Variants in IGSF9B observed in about 807,000 individuals in gnomAD.
The protein encoded by IGSF9B is immunoglobulin superfamily member 9B, also known as protein turtle homolog B.
In IGSF9B, 48 loss-of-function variants were observed where a neutral mutation model predicts 143.7. The ratio of observed to expected loss-of-function variants is 0.33; its 90% CI spans 0.26 to 0.42. The LOEUF (loss-of-function observed/expected upper bound fraction) is 0.42, where lower values mean the gene tolerates loss of function less well. IGSF9B is among the 20% of genes least tolerant of loss of function. IGSF9B has a pLI of 1.00. For missense variants in IGSF9B, 1,706 were observed against 1,980.0 expected, an observed-to-expected ratio of 0.86 and a Z score of 2.63; for synonymous variants, 903 against 833.1, an observed-to-expected ratio of 1.08 and a Z score of -1.44.
chr11:133,952,394 G>A (rs1940176868), intron 1 of IGSF9B, among the ~76,000 whole-genome samples: 1 of 152,186 alleles, frequency 6.6e-6, no homozygotes, highest in African/African-American at 2.4e-5. Context: ...AGCACCAAGG[G>A]CACCGTGGCA....
rs1277689504 is a variant in IGSF9B, at chr11:133,920,239, G to T, written c.3486C>A (p.Ser1162Arg). The T allele has an allele frequency of 2.0e-6, 3 of 1,517,014 alleles. No homozygotes were observed. The highest frequency in any genetic ancestry group is 2.8e-5 in the African/African-American group (2 of 71,670). 94.0% of individuals were successfully genotyped at this position (1,517,014 alleles called of 1,614,324 possible). ...PAEPGAHGGP[S>R]TFGLDTRWYE... ...ACCACCGGGTGTCCAGGCCAAATGT[G>T]CTGGGGCCGCCGTGCGCCCCCGGCT... is the stretch of plus-strand genomic sequence containing the variant. The change falls in exon 18 of 20, where the codon AGC (serine) becomes AGA (arginine). Residue 1162 changes from serine to arginine, a missense_variant. Physicochemically the swap from Ser to Arg is moderately radical, Grantham distance 110. Around this residue, in one of 7 missense-constraint regions of IGSF9B, gnomAD observed 880 missense variants for 762.9 expected, o/e 1.15. Coordinates refer to ENST00000533871, the MANE Select transcript of IGSF9B (RefSeq NM_001277285.4).
chr11:133,927,476 G>A (rs1369080287), intron 12 of IGSF9B, among the ~76,000 whole-genome samples: 1 of 152,228 alleles, frequency 6.6e-6, no homozygotes, highest in Non-Finnish European at 1.5e-5. Context: ...ACAGTGGCAG[G>A]ATGAGGGAAG....
rs1171743779 is a variant in IGSF9B, at chr11:133,909,824, G to A, written c.4106-547C>T. Among the ~76,000 whole-genome samples the A allele has an allele frequency of 6.6e-6, 1 of 152,186 alleles. No homozygotes were observed. The highest frequency in any genetic ancestry group is 2.4e-5 in the African/African-American group (1 of 41,430). On this transcript the variant is annotated intron_variant, in intron 19 of 19. Transcript: ENST00000533871. This position sits in a 1 kb window ranked among gnomAD's most constrained non-coding sequence, Gnocchi z 4.2. ...CTATGCATCCATGTGAGGGTGCAGA[G>A]GAAGAGACAAACTGTCAAGACTTTA...
intron 19 of IGSF9B, among the ~76,000 whole-genome samples, chr11:133,910,449 A>G (rs894520437): frequency 4.6e-5 from 7 of 152,218 alleles, no homozygotes; most frequent in East Asian, 3.8e-4. Context: ...CTGAGCTAAC[A>G]GGCATTACCT....
At chr11:133,938,062 G>T in intron 3 of IGSF9B, 101 bp from the exon 4 acceptor site, 3 of 1,290,670 alleles carry the variant, frequency 2.3e-6, no homozygotes, top group East Asian at 2.5e-5. Flanking sequence ...GCGGCTCTGC[G>T]GAATGCAAGG....
rs112059045 is a variant in IGSF9B at position 133,902,508 on chromosome 11, C to T, written c.*6561G>A. 3.3e-4 allele frequency among the ~76,000 whole-genome samples: 43 copies of T among 131,952 alleles called. No individual in the cohort carries two copies. Among genetic ancestry groups the T allele is most frequent in the Non-Finnish European group, 4.1e-4 (24 of 59,220 alleles). The allele number at this position is 131,952 out of a possible 152,430, so 86.6% of individuals were successfully genotyped here. Reference sequence around the variant, plus strand: ...CACACACACACACCAGACATGCACACCACACACAGACATGCACACCACACA... The same window carrying T: ...CACACACACACACCAGACATGCACATCACACACAGACATGCACACCACACA... On this transcript the variant is annotated 3_prime_UTR_variant, in exon 20 of 20. Transcript: ENST00000533871.
chr11:133,933,761 G>A (rs1029032120), intron 7 of IGSF9B, among the ~76,000 whole-genome samples: 3 of 152,008 alleles, frequency 2.0e-5, no homozygotes, highest in Non-Finnish European at 2.9e-5. Context: ...GAGGAGCAAC[G>A]AGAACCCCAC....
chr11:133,924,205 A>C (rs1303802814), intron 15 of IGSF9B, among the ~76,000 whole-genome samples: 1 of 152,128 alleles, frequency 6.6e-6, no homozygotes, highest in Admixed American at 6.5e-5. Context: ...TTCCCATACC[A>C]AGGACACCCC....
intron 1 of IGSF9B, among the ~76,000 whole-genome samples, chr11:133,955,240 C>T (rs1282016901): frequency 6.6e-6 from 1 of 152,196 alleles, no homozygotes; most frequent in African/African-American, 2.4e-5. Flanking sequence ...ACATCCACCC[C>T]CCGTTCCGTA....
In IGSF9B at chr11:133,928,156, C is replaced by T. The variant is rs1939662740; in HGVS notation, c.1632-1065G>A. On this transcript the variant is annotated intron_variant, in intron 12 of 19. Coordinates refer to ENST00000533871, the MANE Select transcript of IGSF9B (RefSeq NM_001277285.4). The surrounding 1 kb of genome is among the most constrained non-coding windows in gnomAD (Gnocchi z 4.7). ...CCCAATCTACACCTGAGCCCCCCAT[C>T]GTATGCCCAGACCTCCCACCCAGGC... 6.6e-6 allele frequency among the ~76,000 whole-genome samples: 1 copy of T among 152,120 alleles called. No individual in the cohort carries two copies. Among genetic ancestry groups the T allele is most frequent in the Admixed American group, 6.5e-5 (1 of 15,282 alleles).
chr11:133,931,303 T>G lies in IGSF9B; in HGVS notation c.1368+150A>C, dbSNP rs1939724024. On this transcript the variant is annotated intron_variant, in intron 10 of 19. Coordinates refer to ENST00000533871, the MANE Select transcript of IGSF9B (RefSeq NM_001277285.4). This position sits in a 1 kb window ranked among gnomAD's most constrained non-coding sequence, Gnocchi z 7.7. ...GCTCACTGCTCGGCATCTAGCCTGG[T>G]CAGGGCAGGTCCAGAATAGAACTGC... is the stretch of plus-strand genomic sequence containing the variant. 1 of 850,368 alleles carries G rather than the reference T, an allele frequency of 1.2e-6. No individual in the cohort carries two copies. The highest frequency in any genetic ancestry group is 1.8e-6 in the Non-Finnish European group (1 of 541,776). The allele number at this position is 850,368 out of a possible 1,614,324, so 52.7% of individuals were successfully genotyped here.
intron 18 of IGSF9B, among the ~76,000 whole-genome samples, chr11:133,914,956 G>A (rs1009930644): frequency 6.6e-6 from 1 of 152,144 alleles, no homozygotes; most frequent in African/African-American, 2.4e-5. Flanking sequence ...TGTCTCAGGT[G>A]GGAAGCTTCA....
At chr11:133,922,453 C>A in intron 16 of IGSF9B, 116 bp downstream of exon 16, 1 of 1,119,012 alleles carries the variant, frequency 8.9e-7, no homozygotes, top group South Asian at 1.5e-5. Flanking sequence ...GCTCTACCCA[C>A]AAGATCTCAA....
intron 6 of IGSF9B, 92 bp from the exon 7 acceptor site, chr11:133,935,854 G>A: frequency 1.3e-6 from 2 of 1,510,266 alleles, no homozygotes; most frequent in Admixed American, 1.9e-5. Context: ...GATGTGGCAT[G>A]GAGAGCCCAT....
intron 11 of IGSF9B, among the ~76,000 whole-genome samples, chr11:133,930,142 C>G (rs1327066182): frequency 6.6e-6 from 1 of 152,158 alleles, no homozygotes; most frequent in Non-Finnish European, 1.5e-5. Flanking sequence ...AGCCACAGAG[C>G]CCCTCCCGTA....
At chr11:133,938,632 C>T (rs562188817) in intron 3 of IGSF9B, among the ~76,000 whole-genome samples, 1 of 152,302 alleles carries the variant, frequency 6.6e-6, no homozygotes, top group African/African-American at 2.4e-5. Context: ...TCCCATTTGC[C>T]TGAGCTGCTT....
rs1361824107 is a variant in IGSF9B, at chr11:133,897,983, C to T, written c.*11086G>A. On this transcript the variant is annotated 3_prime_UTR_variant, in exon 20 of 20. Coordinates refer to ENST00000533871, the MANE Select transcript of IGSF9B (RefSeq NM_001277285.4). Reference sequence around the variant, plus strand: ...CCGCCCCTAAGTCACCCACCCCAAACCCCTAGGGAAAAATCAGAAAGAAGA... The same window carrying T: ...CCGCCCCTAAGTCACCCACCCCAAATCCCTAGGGAAAAATCAGAAAGAAGA... 2 of 152,150 alleles carry T rather than the reference C, an allele frequency of 1.3e-5. No homozygotes were observed. Among genetic ancestry groups the T allele is most frequent in the Admixed American group, 1.3e-4 (2 of 15,274 alleles). 9.4% of individuals were successfully genotyped at this position (152,150 alleles called of 1,614,324 possible).
At chr11:133,930,473 C>T (rs1359270998) in intron 11 of IGSF9B, among the ~76,000 whole-genome samples, 1 of 152,190 alleles carries the variant, frequency 6.6e-6, no homozygotes, top group Non-Finnish European at 1.5e-5. Context: ...GAAGGACAGG[C>T]TGAGAGGGCC....
rs573394226 is a variant in IGSF9B, at chr11:133,926,524, T to C, written c.1807+392A>G. Among the ~76,000 whole-genome samples, 4 of 152,172 alleles carry C rather than the reference T, an allele frequency of 2.6e-5. No homozygotes were observed. The East Asian group carries it at 5.8e-4, about 22-fold the overall frequency. ...GAGTATGAGGCTGCCTCCAGGAAGG[T>C]GGCCTGGAAGACTCTGCAGCGGGAG... On this transcript the variant is annotated intron_variant, in intron 13 of 19. Transcript: ENST00000533871.
Sources: allele counts gnomAD v4.1 joint callset (sites outside exome capture counted in the v4.1 genomes callset), GRCh38; gene constraint gnomAD v4.1.1; regional missense constraint gnomAD v4.1.1; non-coding constraint Gnocchi (gnomAD v3.1); transcripts MANE v1.5; gene names NCBI Gene and HGNC (gene_info 2026-07-23, HGNC 2026-07-21).